ROBO1: variants seen among roughly 807,000 people sequenced by gnomAD.
ROBO1 encodes the protein roundabout homolog 1.
A neutral mutation model predicts 195.9 loss-of-function variants in ROBO1; 149 were observed. The observed-to-expected ratio is 0.76, with a 90% CI of 0.67 to 0.87. The LOEUF is 0.87. Among genes scored for constraint, ROBO1 ranks in the 40% least tolerant of loss-of-function variants. The probability of loss-of-function intolerance (pLI) is 0.00; values close to 1 mark genes in which losing one functional copy is unlikely to be tolerated. For missense variants in ROBO1, 1,933 were observed against 2,068.3 expected (o/e 0.93, Z 1.27); for synonymous variants, 816 against 733.2 (o/e 1.11, Z -1.82).
intron 1 of ROBO1, among the ~76,000 whole-genome samples, chr3:79,661,482 G>A (rs2106830318): frequency 6.6e-6 from 1 of 152,124 alleles, no homozygotes; most frequent in Middle Eastern, 3.4e-3. Flanking sequence ...CAAATTAACA[G>A]ATACTGCTTA....
intron 2 of ROBO1, among the ~76,000 whole-genome samples, chr3:79,129,406 A>T (rs576617677): frequency 4.6e-5 from 7 of 152,088 alleles, no homozygotes; most frequent in African/African-American, 1.4e-4. Context: ...ATATATGTAC[A>T]TACATAAATT....
chr3:79,534,127 G>A (rs1941762130), intron 2 of ROBO1, among the ~76,000 whole-genome samples: 1 of 111,848 alleles, frequency 8.9e-6, no homozygotes, highest in African/African-American at 3.5e-5. Context: ...TACCTAGGAA[G>A]ACTCTAGATG....
At chr3:79,554,925 T>C (rs867584754) in intron 2 of ROBO1, among the ~76,000 whole-genome samples, 12 of 152,040 alleles carry the variant, frequency 7.9e-5, no homozygotes, top group African/African-American at 2.9e-4. Flanking sequence ...GTGTAGAAGA[T>C]AAATATTTGT....
intron 2 of ROBO1, among the ~76,000 whole-genome samples, chr3:79,339,120 G>C (rs535484804): frequency 3.9e-5 from 6 of 151,980 alleles, no homozygotes; most frequent in African/African-American, 1.5e-4. Flanking sequence ...ACTTTCTATT[G>C]CCAGCCCCCA....
chr3:79,648,022 G>A (rs2106723185), intron 1 of ROBO1, among the ~76,000 whole-genome samples: 1 of 152,148 alleles, frequency 6.6e-6, no homozygotes, highest in African/African-American at 2.4e-5. Flanking sequence ...TTGGCCTAAA[G>A]GAAAATTGGT....
intron 2 of ROBO1, among the ~76,000 whole-genome samples, chr3:79,535,882 GTTTT>G (rs921592871): frequency 6.6e-6 from 1 of 150,820 alleles, no homozygotes; most frequent in East Asian, 1.9e-4. Context: ...TCTTCAAGAG[GTTTT>G]TTTTTGTTTG....
intron 2 of ROBO1, among the ~76,000 whole-genome samples, chr3:79,413,879 A>C (rs1010098071): frequency 2.0e-5 from 3 of 152,096 alleles, no homozygotes; most frequent in African/African-American, 7.2e-5. Flanking sequence ...AGGAGAAAAT[A>C]TCTGACTCCC....
At chr3:78,646,345 T>C (rs937013039) in intron 20 of ROBO1, among the ~76,000 whole-genome samples, 155 bp from the exon 21 acceptor site, 1 of 151,240 alleles carries the variant, frequency 6.6e-6, no homozygotes, top group Non-Finnish European at 1.5e-5. Context: ...TTGATTCAAC[T>C]AGTGACATTT....
intron 1 of ROBO1, among the ~76,000 whole-genome samples, chr3:79,719,289 G>A (rs1185102097): frequency 6.6e-6 from 1 of 151,902 alleles, no homozygotes. Context: ...ACATTAATTT[G>A]GGTTCATTTT....
At chr3:78,971,243 G>A (rs1350605912) in intron 3 of ROBO1, among the ~76,000 whole-genome samples, 7 of 152,036 alleles carry the variant, frequency 4.6e-5, no homozygotes, top group Non-Finnish European at 1.0e-4. Context: ...ACAAAAATGA[G>A]CCAGGCATGG....
intron 4 of ROBO1, among the ~76,000 whole-genome samples, chr3:78,790,176 G>A (rs185375955): frequency 6.6e-6 from 1 of 152,112 alleles, no homozygotes; most frequent in Admixed American, 6.6e-5. Flanking sequence ...TATACCTGGT[G>A]TCAGGACACC....
At chr3:79,234,355 C>A (rs1248854161) in intron 2 of ROBO1, among the ~76,000 whole-genome samples, 1 of 152,084 alleles carries the variant, frequency 6.6e-6, no homozygotes, top group Non-Finnish European at 1.5e-5. Context: ...TCTTGAGTTA[C>A]TTTTTGCATA....
chr3:78,639,221 C>CA lies in ROBO1; in HGVS notation c.3037+522_3037+523insT, dbSNP rs1391782556. On this transcript the variant is annotated intron_variant, in intron 22 of 30. Transcript: ENST00000464233. ...CCTGTACTCCCAGCACTTTGGGAAG[C>CA]CGAGGTGAATGGATCACGTGAGGCC... Among the ~76,000 whole-genome samples the CA allele has an allele frequency of 5.6e-3, 851 of 152,126 alleles. 7 individuals are homozygous for CA. The highest frequency in any genetic ancestry group is 0.02 in the African/African-American group (810 of 41,514).
chr3:79,704,035 A>G (rs1947696065), intron 1 of ROBO1, among the ~76,000 whole-genome samples: 1 of 151,978 alleles, frequency 6.6e-6, no homozygotes, highest in South Asian at 2.1e-4. Context: ...GGCTTTTATG[A>G]ATAGAATTTT....
At chr3:79,018,377 C>G (rs2078007348) in intron 3 of ROBO1, 12 of 1,613,464 alleles carry the variant, frequency 7.4e-6, no homozygotes, top group Non-Finnish European at 1.0e-5. Context: ...CAGGGAGGAT[C>G]AAGGGTGAAG....
intron 2 of ROBO1, among the ~76,000 whole-genome samples, chr3:79,317,318 G>T (rs550482552): frequency 1.3e-5 from 2 of 151,748 alleles, no homozygotes; most frequent in Non-Finnish European, 2.9e-5. Context: ...TATTTTCATA[G>T]CCTTCTTCCA....
At chr3:79,336,738 T>C (rs1053399549) in intron 2 of ROBO1, among the ~76,000 whole-genome samples, 2 of 152,114 alleles carry the variant, frequency 1.3e-5, no homozygotes, top group African/African-American at 4.8e-5. Context: ...GAATGGTAGA[T>C]ACATTGACAG....
chr3:79,093,927 C>T (rs2079521890), intron 3 of ROBO1, among the ~76,000 whole-genome samples: 1 of 152,140 alleles, frequency 6.6e-6, no homozygotes, highest in South Asian at 2.1e-4. Context: ...GACCCTACTT[C>T]CTGTGCCCTT....
intron 4 of ROBO1, among the ~76,000 whole-genome samples, chr3:78,755,035 C>T (rs894353947): frequency 1.3e-5 from 2 of 152,142 alleles, no homozygotes; most frequent in African/African-American, 4.8e-5. Context: ...CTATGCACAG[C>T]AGCCATGAGC....
Sources: allele counts gnomAD v4.1 joint callset (sites outside exome capture counted in the v4.1 genomes callset), GRCh38; gene constraint gnomAD v4.1.1; transcripts MANE v1.5; gene names NCBI Gene and HGNC (gene_info 2026-07-23, HGNC 2026-07-21).